CNIH3: variants seen among roughly 807,000 people sequenced by gnomAD.
CNIH3 encodes cornichon family AMPA receptor auxiliary protein 3, also known as protein cornichon homolog 3.
CNIH3 carries 14 observed loss-of-function variants against 24.1 expected under a neutral mutation model. That is an observed-to-expected ratio of 0.58 (90% CI 0.38 to 0.91). The LOEUF (loss-of-function observed/expected upper bound fraction) is 0.91. Among genes scored for constraint, CNIH3 ranks in the 40% least tolerant of loss-of-function variants. CNIH3 has a pLI of 0.00. For synonymous variants in CNIH3, 68 were observed against 73.8 expected (o/e 0.92, Z 0.40); for missense variants, 178 against 196.8 (o/e 0.90, Z 0.57).
At chr1:224,512,471 C>A (rs373790846), upstream of CNIH3, among the ~76,000 whole-genome samples, 11 of 152,194 alleles carry the variant, frequency 7.2e-5, no homozygotes, top group East Asian at 3.9e-4. Flanking sequence ...CAGAGTGAGA[C>A]CTTGTTTCAA....
At chr1:224,655,904 G>A (rs1267577542) in intron 1 of CNIH3, among the ~76,000 whole-genome samples, 2 of 152,198 alleles carry the variant, frequency 1.3e-5, no homozygotes, top group African/African-American at 4.8e-5. Flanking sequence ...AAGGTTGTGG[G>A]ACTGGGGTCT....
At chr1:224,509,037 C>G (rs943354537) in intron 1 of CNIH3, among the ~76,000 whole-genome samples, 1 of 152,114 alleles carries the variant, frequency 6.6e-6, no homozygotes, top group Non-Finnish European at 1.5e-5. Flanking sequence ...AAAAAAAAAG[C>G]CCTGGCTGGG....
chr1:224,595,163 C>T (rs1681924544), intron 3 of CNIH3, among the ~76,000 whole-genome samples: 1 of 152,210 alleles, frequency 6.6e-6, no homozygotes, highest in African/African-American at 2.4e-5. Context: ...CCTCCTACCT[C>T]AACCTTGCAA....
At position 224,684,711 on chromosome 1, in the gene CNIH3, T is replaced by C. The variant is rs1009719995; in HGVS notation, c.151-85T>C. On this transcript the variant is annotated intron_variant, in intron 2 of 5. Transcript: ENST00000272133. The surrounding 1 kb of genome is among the most constrained non-coding windows in gnomAD (Gnocchi z 4.2). ...TCTCTGGTGGCTTCTGCCTCCACTA[T>C]TGGGGCTGATTGCGGGGCCTTCTCA... 2.2e-4 allele frequency: 271 copies of C among 1,233,240 alleles called. 1 individual carries two copies. The highest frequency in any genetic ancestry group is 1.8e-3 in the South Asian group (146 of 83,210). The allele number at this position is 1,233,240 out of a possible 1,614,324, so 76.4% of individuals were successfully genotyped here.
chr1:224,553,679 C>T (rs920411463), intron 3 of CNIH3, among the ~76,000 whole-genome samples: 2 of 152,014 alleles, frequency 1.3e-5, no homozygotes, highest in African/African-American at 4.8e-5. Context: ...TGACATGCAC[C>T]CTCCAGTCTT....
At chr1:224,654,749 A>G (rs1244164130) in intron 1 of CNIH3, among the ~76,000 whole-genome samples, 1 of 152,200 alleles carries the variant, frequency 6.6e-6, no homozygotes, top group Non-Finnish European at 1.5e-5. Flanking sequence ...CAGGAGCATT[A>G]CCAAGATTTT....
intron 1 of CNIH3, among the ~76,000 whole-genome samples, chr1:224,500,727 A>G (rs1677621705): frequency 6.6e-6 from 1 of 152,108 alleles, no homozygotes; most frequent in Non-Finnish European, 1.5e-5. Context: ...ACTGATCTTT[A>G]ATCTGAGTAG....
chr1:224,692,236 A>G (rs79595273), intron 3 of CNIH3, among the ~76,000 whole-genome samples: 3,108 of 152,224 alleles, frequency 0.02, 75 homozygotes, highest in African/African-American at 0.055. Flanking sequence ...AGTCCAGGAG[A>G]TTCAGGCTGC....
chr1:224,660,341 C>G (rs1353766543), intron 1 of CNIH3, among the ~76,000 whole-genome samples: 2 of 152,080 alleles, frequency 1.3e-5, no homozygotes, highest in Admixed American at 1.3e-4. Flanking sequence ...CCCCATAATT[C>G]AATGATCTCC....
At chr1:224,598,803 C>T (rs907491685) in intron 3 of CNIH3, among the ~76,000 whole-genome samples, 1 of 152,190 alleles carries the variant, frequency 6.6e-6, no homozygotes, top group African/African-American at 2.4e-5. Context: ...AGACTGAATA[C>T]TATTGCACAT....
At chr1:224,497,504 T>A (rs1169619793) in intron 1 of CNIH3, among the ~76,000 whole-genome samples, 1 of 152,280 alleles carries the variant, frequency 6.6e-6, no homozygotes, top group Non-Finnish European at 1.5e-5. Context: ...TCATCTTCAC[T>A]GTTCATCTGT....
intron 3 of CNIH3, among the ~76,000 whole-genome samples, chr1:224,558,622 C>T (rs909364499): frequency 1.3e-5 from 2 of 152,226 alleles, no homozygotes; most frequent in African/African-American, 4.8e-5. Flanking sequence ...GAGTAAACTG[C>T]TCCCACCACT....
intron 3 of CNIH3, among the ~76,000 whole-genome samples, chr1:224,598,493 A>G (rs933622451): frequency 1.3e-5 from 2 of 152,242 alleles, no homozygotes; most frequent in African/African-American, 2.4e-5. Flanking sequence ...ATTGACCCCA[A>G]TTTTAAAAGA....
At chr1:224,579,165 G>T (rs1429227196) in intron 4 of CNIH3, among the ~76,000 whole-genome samples, 2 of 147,056 alleles carry the variant, frequency 1.4e-5, no homozygotes, top group African/African-American at 5.1e-5. Context: ...TATTCATCTT[G>T]TCATCTTTTT....
chr1:224,450,266 T>G (rs951812254), intron 1 of CNIH3, among the ~76,000 whole-genome samples: 4 of 151,996 alleles, frequency 2.6e-5, no homozygotes, highest in South Asian at 4.2e-4. Flanking sequence ...CAAAAAGAAA[T>G]AAATAAACAG....
intron 1 of CNIH3, among the ~76,000 whole-genome samples, chr1:224,517,826 T>C (rs1678457086): frequency 6.6e-6 from 1 of 152,180 alleles, no homozygotes; most frequent in Non-Finnish European, 1.5e-5. Flanking sequence ...CTTTTTTATT[T>C]CTGAGCAAAT....
At chr1:224,601,461 G>C (rs1477184238) in intron 3 of CNIH3, among the ~76,000 whole-genome samples, 1 of 152,228 alleles carries the variant, frequency 6.6e-6, no homozygotes, top group Non-Finnish European at 1.5e-5. Flanking sequence ...GGAAGCTGTT[G>C]ATTGCACCAG....
At position 224,616,343 on chromosome 1, in the gene CNIH3, GGCGGCAGCGGCA is replaced by G; in HGVS notation, c.-829_-818del. 2.0e-6 allele frequency: 1 copy of G among 492,544 alleles called. No homozygotes were observed. The highest frequency in any genetic ancestry group is 2.8e-6 in the Non-Finnish European group (1 of 359,138). The allele number at this position is 492,544 out of a possible 1,614,324, so 30.5% of individuals were successfully genotyped here. Reference sequence around the variant, plus strand: ...CAGTGGCAAAGGCGGCGGCGGCGGCGGCGGCAGCGGCAGCAGCAGGTGGAGCGAGCTACAGCG... The same window carrying G: ...CAGTGGCAAAGGCGGCGGCGGCGGCGGCAGCAGGTGGAGCGAGCTACAGCG... On this transcript the variant is annotated 5_prime_UTR_variant, in exon 1 of 6. Coordinates refer to ENST00000272133, the MANE Select transcript of CNIH3 (RefSeq NM_152495.2).
intron 1 of CNIH3, among the ~76,000 whole-genome samples, chr1:224,484,829 G>T (rs1160104696): frequency 6.6e-6 from 1 of 152,112 alleles, no homozygotes; most frequent in African/African-American, 2.4e-5. Context: ...CTAGAAGTTT[G>T]ATAAGAGTCT....
Sources: gnomAD v4.1 joint callset for allele counts (sites outside exome capture counted in the v4.1 genomes callset) on GRCh38, gnomAD v4.1.1 for gene constraint, Gnocchi (gnomAD v3.1) non-coding constraint, MANE v1.5 for transcripts, NCBI Gene and HGNC (gene_info 2026-07-23, HGNC 2026-07-21) for gene names.